Variants in CELA3B observed in about 807,000 individuals in gnomAD.
CELA3B encodes chymotrypsin-like elastase family member 3B.
CELA3B carries 34 observed loss-of-function variants against 37.2 expected under a neutral mutation model. That is an observed-to-expected ratio of 0.91 (90% confidence interval 0.70 to 1.22). CELA3B has a LOEUF of 1.22. Ranked by LOEUF, CELA3B falls within the 50% of genes most tolerant of loss-of-function variation. The probability of loss-of-function intolerance (pLI) is 0.00; values close to 1 mark genes in which losing one functional copy is unlikely to be tolerated. For missense variants in CELA3B, 340 were observed against 363.1 expected, an observed-to-expected ratio of 0.94 and a Z score of 0.52; for synonymous variants, 127 against 143.5, an observed-to-expected ratio of 0.89 and a Z score of 0.82.
intron 5 of CELA3B, 81 bp from the exon 6 acceptor site, chr1:21,984,108 T>G (rs563039277): frequency 3.3e-6 from 5 of 1,511,322 alleles, no homozygotes; most frequent in Non-Finnish European, 4.5e-6. Context: ...AGAAGAACTG[T>G]GCGCCTTGGA....
chr1:21,991,459 C>A (rs1377857057), downstream of CELA3B, among the ~76,000 whole-genome samples: 1 of 150,640 alleles, frequency 6.6e-6, no homozygotes, highest in South Asian at 2.1e-4. Context: ...CCTCAGCCTC[C>A]CAAGCAGCTG....
chr1:21,987,528 G>A (rs1366112413), intron 7 of CELA3B: 1 of 151,524 alleles, frequency 6.6e-6, no homozygotes, highest in Non-Finnish European at 1.5e-5. Context: ...TTGGGAGGCT[G>A]AGGCAGGAGG....
At chr1:21,979,006 C>A (rs550595679) in intron 2 of CELA3B, among the ~76,000 whole-genome samples, 1 of 150,908 alleles carries the variant, frequency 6.6e-6, no homozygotes, top group Non-Finnish European at 1.5e-5. Flanking sequence ...GAGATCGCAC[C>A]ACTGCACTCC....
Position 21,984,345 on chromosome 1 carries a change from T to G in CELA3B, c.642+14T>G. Reference sequence around the variant, plus strand: ...TCCGGCTGCAATGTGAGTCAGCTCTTACCTGCCCGAGGTGGTGCTGGGTGT... The same window carrying G: ...TCCGGCTGCAATGTGAGTCAGCTCTGACCTGCCCGAGGTGGTGCTGGGTGT... On this transcript the variant is annotated intron_variant, in intron 6 of 7. Coordinates refer to ENST00000337107, the MANE Select transcript of CELA3B (RefSeq NM_007352.4). 6.2e-7 allele frequency: 1 copy of G among 1,610,758 alleles called. No homozygotes were observed.
chr1:21,977,482 A>G (rs1032228387), intron 1 of CELA3B, among the ~76,000 whole-genome samples: 2 of 152,108 alleles, frequency 1.3e-5, no homozygotes, highest in East Asian at 3.9e-4. Context: ...CTGCCATATT[A>G]CATTCCAGCT....
At chr1:21,989,134 G>A in intron 7 of CELA3B, 128 bp from the exon 8 acceptor site, 1 of 1,567,856 alleles carries the variant, frequency 6.4e-7, no homozygotes, top group South Asian at 1.1e-5. Context: ...GGAGGAAACT[G>A]AGGCTCAGAG....
At chr1:21,993,476 AAAAGAAG>A (rs1557869091), downstream of CELA3B, among the ~76,000 whole-genome samples, 2 of 142,748 alleles carry the variant, frequency 1.4e-5, no homozygotes, top group African/African-American at 5.6e-5. Flanking sequence ...AAAAAAAAAA[AAAAGAAG>A]AAGAAAAGAA....
At position 21,989,164 on chromosome 1, in the gene CELA3B, G is replaced by A. The variant is rs1181288864; in HGVS notation, c.796-98G>A. ...TCAGAGAGGTCAATTCCTCTCCCAG[G>A]GTCACACAGCAGGGCTGGAAGTTGA... On this transcript the variant is annotated intron_variant, in intron 7 of 7. Transcript: ENST00000337107. 3.5e-5 allele frequency: 56 copies of A among 1,591,526 alleles called. No homozygotes were observed. In the African/African-American group the frequency reaches 5.4e-4, roughly 15 times the overall value.
chr1:21,987,028 G>T (rs71638814), intron 7 of CELA3B: 84,324 of 380,138 alleles, frequency 0.22, 11,018 homozygotes, highest in Admixed American at 0.37. Context: ...ACATGAATGA[G>T]AACGATGCAG....
downstream of CELA3B, among the ~76,000 whole-genome samples, chr1:21,990,971 T>C (rs1644866713): frequency 1.7e-5 from 1 of 59,078 alleles, no homozygotes; most frequent in Non-Finnish European, 4.1e-5. Context: ...GGGAAGATTG[T>C]CCCAGCAAGG....
intron 3 of CELA3B, 47 bp downstream of exon 3, chr1:21,980,968 A>G (rs1466614909): frequency 6.2e-7 from 1 of 1,613,566 alleles, no homozygotes; most frequent in Non-Finnish European, 8.5e-7. Context: ...GCAGCTGGGG[A>G]GGGTGGGTGA....
intron 6 of CELA3B, among the ~76,000 whole-genome samples, chr1:21,984,798 T>C (rs956263096): frequency 6.6e-5 from 10 of 151,658 alleles, no homozygotes; most frequent in Non-Finnish European, 1.3e-4. Flanking sequence ...AATACAAAAA[T>C]TAGCCAGGCA....
downstream of CELA3B, among the ~76,000 whole-genome samples, chr1:21,994,230 G>GA (rs1267531979): frequency 6.6e-6 from 1 of 150,858 alleles, no homozygotes; most frequent in Non-Finnish European, 1.5e-5. Flanking sequence ...CTTCCAGTGG[G>GA]AGATTGAAAG....
rs752695454 is a variant in CELA3B at position 21,981,064 on chromosome 1, T to G, written c.254T>G (p.Leu85Trp). Residue 85 changes from leucine (L) to tryptophan (W), a missense_variant, in exon 4 of 8, where the codon TTG becomes TGG. Leu to Trp is a moderately conservative substitution (Grantham distance 61). Coordinates refer to ENST00000337107, the MANE Select transcript of CELA3B (RefSeq NM_007352.4). ...ISSSRTYQVV[L>W]GEYDRAVKEG... ...AGCTCCCGGACCTACCAGGTGGTGT[T>G]GGGCGAGTACGACCGTGCTGTGAAG... 1.2e-6 allele frequency: 2 copies of G among 1,614,086 alleles called. No homozygotes were observed. Among genetic ancestry groups the G allele is most frequent in the Non-Finnish European group, 1.7e-6 (2 of 1,180,038 alleles).
At chr1:21,978,605 G>A (rs4655004) in intron 2 of CELA3B, 151 bp downstream of exon 2, 32,746 of 892,414 alleles carry the variant, frequency 0.037, 1,843 homozygotes, top group East Asian at 0.35. Context: ...TCTACTTCAC[G>A]GGGAGGTTTT....
chr1:21,978,021 T>G (rs1301339059), intron 1 of CELA3B: 1 of 338,370 alleles, frequency 3.0e-6, no homozygotes, highest in Admixed American at 4.4e-5. Flanking sequence ...GAGCTGCACT[T>G]TGAACCCAGG....
chr1:21,985,639 C>G (rs1167300049), intron 6 of CELA3B, among the ~76,000 whole-genome samples: 7 of 151,066 alleles, frequency 4.6e-5, no homozygotes, highest in African/African-American at 1.7e-4. Flanking sequence ...TGCCTGTAAT[C>G]CCAGCACTTT....
intron 6 of CELA3B, among the ~76,000 whole-genome samples, chr1:21,986,326 A>G (rs1487305267): frequency 6.6e-6 from 1 of 151,916 alleles, no homozygotes; most frequent in Non-Finnish European, 1.5e-5. Context: ...CAATGAGCCA[A>G]GCTAGCTCCA....
At chr1:21,981,719 C>G (rs575558171) in intron 4 of CELA3B, among the ~76,000 whole-genome samples, 9 of 116,452 alleles carry the variant, frequency 7.7e-5, no homozygotes, top group Non-Finnish European at 1.5e-4. Flanking sequence ...TTCAAGTGTA[C>G]AAAAAATTCT....
Sources: gnomAD v4.1 joint callset for allele counts (sites outside exome capture counted in the v4.1 genomes callset) on GRCh38, gnomAD v4.1.1 for gene constraint, MANE v1.5 for transcripts, NCBI Gene and HGNC (gene_info 2026-07-23, HGNC 2026-07-21) for gene names.